The following HAS2 variants were observed in gnomAD, a reference collection of about 807,000 sequenced individuals.
HAS2 encodes HA synthase 2.
A neutral mutation model predicts 51.6 loss-of-function variants in HAS2; 16 were observed. The observed-to-expected ratio is 0.31, with a 90% CI of 0.21 to 0.47. HAS2 has a LOEUF of 0.47. Ranked by LOEUF, HAS2 falls within the 20% of genes least tolerant of loss-of-function variation. The pLI is 1.00. For missense variants in HAS2, 361 were observed against 662.6 expected (o/e 0.54, Z 5.00); for synonymous variants, 228 against 235.5 (o/e 0.97, Z 0.29).
intron 2 of HAS2, among the ~76,000 whole-genome samples, chr8:121,626,901 C>G (rs767232165): frequency 1.3e-5 from 2 of 152,150 alleles, no homozygotes; most frequent in Admixed American, 1.3e-4. Context: ...GAGACTTCCC[C>G]TATCTCAGCC....
rs998124700 is a variant in HAS2, at chr8:121,628,881, C to T, written c.460G>A (p.Glu154Lys). 5.0e-6 allele frequency: 8 copies of T among 1,614,024 alleles called. No individual in the cohort carries two copies. The Admixed American group carries it at 5.0e-5, about 10-fold the overall frequency. ...ATYIWKNNFH[E>K]KGPGETDESH... ...TCATCTGTCTCACCGGGACCCTTTT[C>T]GTGGAAGTTGTTCTTCCAGATATAA... is the stretch of plus-strand genomic sequence containing the variant. Residue 154 changes from glutamate to lysine, a missense_variant, in exon 2 of 4, where the codon GAA becomes AAA. Around this residue, in one of 5 missense-constraint regions of HAS2, gnomAD observed 145 missense variants for 217.6 expected, o/e 0.67. Coordinates refer to ENST00000303924, the MANE Select transcript of HAS2 (RefSeq NM_005328.3).
Position 121,632,221 on chromosome 8 carries a change from G to A in HAS2, c.1-2881C>T, listed in dbSNP as rs545094690. Among the ~76,000 whole-genome samples, 7 of 152,162 alleles carry A rather than the reference G, an allele frequency of 4.6e-5. 1 individual carries two copies. In the South Asian group the frequency reaches 1.0e-3, roughly 23 times the overall value. On this transcript the variant is annotated intron_variant, in intron 1 of 3. Transcript: ENST00000303924. ...GCTGAGGGAATACATTGATCTCAGG[G>A]AGTGACACATAGGACGTGTTTCTTT...
chr8:121,634,737 C>T (rs555491161), intron 1 of HAS2, among the ~76,000 whole-genome samples: 57 of 151,244 alleles, frequency 3.8e-4, no homozygotes, highest in South Asian at 4.2e-4. Flanking sequence ...TTAAGGGTAC[C>T]CCTCAAACAG....
intron 1 of HAS2, chr8:121,639,358 G>A (rs11996041): frequency 0.59 from 89,886 of 152,126 alleles, 28,158 homozygotes; most frequent in East Asian, 0.86. Context: ...TTGCTCCTGA[G>A]ACCCAACAGG....
chr8:121,628,934 T>A lies in HAS2; in HGVS notation c.407A>T (p.Glu136Val). 6.2e-7 allele frequency: 1 copy of A among 1,614,108 alleles called. No individual in the cohort carries two copies. Among genetic ancestry groups the A allele is most frequent in the Non-Finnish European group, 8.5e-7 (1 of 1,179,956 alleles). ...DDLYMMDIFSEVMGRDKSATY... is the reference protein window; with the variant it reads ...DDLYMMDIFSVVMGRDKSATY... ...GGCTGATTTGTCTCTGCCCATGACT[T>A]CACTGAAGATGTCCATCATGTAAAG... Residue 136 changes from glutamate (E) to valine (V), a missense_variant, in exon 2 of 4, where the codon GAA becomes GTA. Transcript: ENST00000303924.
rs1335487288 is a variant in HAS2 at position 121,612,925 on chromosome 8, T to C, written c.*1184A>G. The C allele has an allele frequency of 1.3e-5, 2 of 149,556 alleles. No individual in the cohort carries two copies. The highest frequency in any genetic ancestry group is 5.0e-5 in the African/African-American group (2 of 40,250). The allele number at this position is 149,556 out of a possible 1,614,324, so 9.3% of individuals were successfully genotyped here. A position where few individuals can be genotyped will look rare whatever the true frequency, so the allele number is the denominator to read the frequency against. On this transcript the variant is annotated 3_prime_UTR_variant, in exon 4 of 4. Coordinates refer to ENST00000303924, the MANE Select transcript of HAS2 (RefSeq NM_005328.3). ...CACCCGTGTAAACATTATACTAACATGTAAAGTGAACTGGCAAGTTGAAAA... is the reference window on the plus strand; with the variant it reads ...CACCCGTGTAAACATTATACTAACACGTAAAGTGAACTGGCAAGTTGAAAA...
intron 3 of HAS2, among the ~76,000 whole-genome samples, chr8:121,616,414 C>G (rs1417126608): frequency 1.3e-5 from 2 of 150,868 alleles, no homozygotes; most frequent in African/African-American, 4.9e-5. Context: ...TCTTACCATA[C>G]TTCTATTTCT....
At chr8:121,623,320 A>T (rs1429961176) in intron 2 of HAS2, among the ~76,000 whole-genome samples, 1 of 152,180 alleles carries the variant, frequency 6.6e-6, no homozygotes, top group Admixed American at 6.5e-5. Flanking sequence ...GGTGCAAAAC[A>T]AAGGTGACGA....
At chr8:121,618,389 G>C (rs558672943) in intron 2 of HAS2, among the ~76,000 whole-genome samples, 1 of 152,136 alleles carries the variant, frequency 6.6e-6, no homozygotes, top group Non-Finnish European at 1.5e-5. Flanking sequence ...CCTGTTCCTG[G>C]GGGGGTGCCC....
At chr8:121,624,483 CT>C (rs1299801567) in intron 2 of HAS2, among the ~76,000 whole-genome samples, 2 of 152,204 alleles carry the variant, frequency 1.3e-5, no homozygotes, top group Non-Finnish European at 2.9e-5. Flanking sequence ...GTACGTTTTA[CT>C]GAGTAGACAA....
Position 121,614,089 on chromosome 8 carries a change from A to G in HAS2, c.*20T>C. 3.1e-6 allele frequency: 5 copies of G among 1,613,982 alleles called. No homozygotes were observed. Among genetic ancestry groups the G allele is most frequent in the Non-Finnish European group, 3.4e-6 (4 of 1,179,946 alleles). On this transcript the variant is annotated 3_prime_UTR_variant, in exon 4 of 4. Coordinates refer to ENST00000303924, the MANE Select transcript of HAS2 (RefSeq NM_005328.3). The surrounding 1 kb of genome is among the most constrained non-coding windows in gnomAD (Gnocchi z 7.2). ...GAACTAAGGTGTTGTGTGTGACTGC[A>G]AACGTCAAAACATGGAAGATCATAC...
At chr8:121,615,458 G>T (rs1473358576) in intron 3 of HAS2, among the ~76,000 whole-genome samples, 1 of 151,986 alleles carries the variant, frequency 6.6e-6, no homozygotes, top group South Asian at 2.1e-4. Context: ...TGCCTCACCT[G>T]GGACTACAGG....
chr8:121,632,122 G>A (rs1046182575), intron 1 of HAS2, among the ~76,000 whole-genome samples: 1 of 152,198 alleles, frequency 6.6e-6, no homozygotes, highest in African/African-American at 2.4e-5. Context: ...AGATATCTCA[G>A]TGTTGTCTAG....
intron 1 of HAS2, among the ~76,000 whole-genome samples, chr8:121,630,593 C>T (rs1420020023): frequency 4.6e-5 from 7 of 152,106 alleles, no homozygotes; most frequent in African/African-American, 9.7e-5. Flanking sequence ...TTTAGTCATT[C>T]GCATCCATTT....
chr8:121,614,048 T>C lies in HAS2; in HGVS notation c.*61A>G, dbSNP rs1812670047. ...GTGGCATTATCTGATGCCACAATAC[T>C]GTACAGCCCCTAGAGGAACTAAGGT... is the stretch of plus-strand genomic sequence containing the variant. On this transcript the variant is annotated 3_prime_UTR_variant, in exon 4 of 4. Transcript: ENST00000303924. This position sits in a 1 kb window ranked among gnomAD's most constrained non-coding sequence, Gnocchi z 7.2. 6 of 1,611,550 alleles carry C rather than the reference T, an allele frequency of 3.7e-6. No homozygotes were observed. The highest frequency in any genetic ancestry group is 1.3e-5 in the African/African-American group (1 of 74,944).
intron 1 of HAS2, among the ~76,000 whole-genome samples, chr8:121,633,070 T>G (rs1169268444): frequency 6.6e-6 from 1 of 152,114 alleles, no homozygotes; most frequent in Non-Finnish European, 1.5e-5. Flanking sequence ...TTCTTTCGTT[T>G]CTGGCTAATA....
intron 1 of HAS2, 108 bp from the exon 2 acceptor site, chr8:121,629,448 A>G: frequency 1.1e-6 from 1 of 895,226 alleles, no homozygotes; most frequent in Non-Finnish European, 1.7e-6. Flanking sequence ...AGGAGTTTTA[A>G]CACTCAATTT....
chr8:121,614,397 T>C lies in HAS2; in HGVS notation c.1371A>G (p.Thr457=). The C allele has an allele frequency of 6.2e-7, 1 of 1,614,180 alleles. No homozygotes were observed. Among genetic ancestry groups the C allele is most frequent in the Non-Finnish European group, 8.5e-7 (1 of 1,180,028 alleles). The change falls in exon 4 of 4, where the codon ACA becomes ACG. Residue 457 remains threonine (T), a synonymous_variant. Transcript: ENST00000303924. The surrounding 1 kb of genome is among the most constrained non-coding windows in gnomAD (Gnocchi z 7.2). ...ATGTGCCCCACCCAGCTTTGTTTAT[T>C]GTTGCAATTGCAAACATCTTGGCGG... ...LLPAKMFAIA[T]INKAGWGTSG... is the part of the protein sequence containing the mutation.
At chr8:121,616,095 T>G (rs1354853922) in intron 3 of HAS2, among the ~76,000 whole-genome samples, 2 of 152,244 alleles carry the variant, frequency 1.3e-5, no homozygotes, top group East Asian at 3.8e-4. Flanking sequence ...TCTTACCTTT[T>G]GCTAAAATCT....
Sources: allele counts gnomAD v4.1 joint callset (sites outside exome capture counted in the v4.1 genomes callset), GRCh38; gene constraint gnomAD v4.1.1; regional missense constraint gnomAD v4.1.1; non-coding constraint Gnocchi (gnomAD v3.1); transcripts MANE v1.5; gene names NCBI Gene and HGNC (gene_info 2026-07-23, HGNC 2026-07-21).